The following PIH1D2 variants were observed in gnomAD, a reference collection of about 807,000 sequenced individuals.
PIH1D2 encodes the protein PIH1 domain-containing protein 2.
A neutral mutation model predicts 31.2 loss-of-function variants in PIH1D2; 25 were observed. The observed-to-expected ratio is 0.80, with a 90% CI of 0.58 to 1.12. The LOEUF is 1.12. Among genes scored for constraint, PIH1D2 ranks in the 50% most tolerant of loss-of-function variants. The pLI is 0.00. For synonymous variants in PIH1D2, 116 were observed against 119.9 expected (o/e 0.97, Z 0.21); for missense variants, 310 against 356.6 (o/e 0.87, Z 1.05).
chr11:112,071,903 G>A (rs1251692599), intron 2 of PIH1D2, 145 bp from the exon 3 acceptor site: 5 of 772,638 alleles, frequency 6.5e-6, no homozygotes, highest in Non-Finnish European at 1.0e-5. Context: ...GACCAGCCTG[G>A]CCAACATGGT....
the PIH1D2 span, among the ~76,000 whole-genome samples, chr11:112,055,660 T>C: frequency 6.6e-6 from 1 of 152,076 alleles, no homozygotes; most frequent in Admixed American, 6.6e-5. Context: ...TGTTTGGGCT[T>C]TCCTGTTCCT....
rs1555185000 is a variant in PIH1D2 at position 112,072,993 on chromosome 11, C to G, written c.177+5G>C. 6.3e-7 allele frequency: 1 copy of G among 1,596,148 alleles called. No individual in the cohort carries two copies. The highest frequency in any genetic ancestry group is 1.1e-5 in the South Asian group (1 of 89,698). ...CTCCCCATCCCTGGCACCAACTCGA[C>G]ATACCAGAATCCTGGTCTGTAGACA... On this transcript the variant is annotated splice_donor_5th_base_variant and intron_variant, in intron 2 of 5. Transcript: ENST00000280350.
chr11:112,071,280 G>C lies in PIH1D2; in HGVS notation c.305C>G (p.Ala102Gly). The C allele has an allele frequency of 6.2e-7, 1 of 1,609,634 alleles. No individual in the cohort carries two copies. Residue 102 changes from alanine to glycine, a missense_variant, in exon 4 of 6, where the codon GCT becomes GGT. Physicochemically the swap from Ala to Gly is moderately conservative, Grantham distance 60 (BLOSUM62 0). Transcript: ENST00000280350. ...GTAGGCAACATCAATGACTGTGTAA[G>C]CATCTGTGTGTGTAATTGAAAGGGT... ...KPEDTTEISD[A>G]YTVIDVAYNP...
chr11:112,053,978 A>G, the PIH1D2 span, among the ~76,000 whole-genome samples: 3 of 152,118 alleles, frequency 2.0e-5, no homozygotes, highest in East Asian at 5.8e-4. Context: ...ACATAACACC[A>G]TCTTCCCAAA....
At chr11:112,063,074 CAAGGAA>C (rs1438314717), downstream of PIH1D2, 2 of 154,662 alleles carry the variant, frequency 1.3e-5, no homozygotes, top group Non-Finnish European at 2.9e-5. Flanking sequence ...TAGAAAACTT[CAAGGAA>C]AATAAGTGAA....
At chr11:112,060,049 A>G (rs1555183028), downstream of PIH1D2, 1 of 1,614,018 alleles carries the variant, frequency 6.2e-7, no homozygotes. Context: ...GGTAAACTAC[A>G]GCCACATGAA....
At chr11:112,064,345 T>G, downstream of PIH1D2, 3 of 782,604 alleles carry the variant, frequency 3.8e-6, no homozygotes, top group Non-Finnish European at 5.7e-6. Flanking sequence ...AGAAATAGTG[T>G]TTTTGGTTCA....
chr11:112,061,925 A>G (rs1187727453), downstream of PIH1D2, among the ~76,000 whole-genome samples: 1 of 152,148 alleles, frequency 6.6e-6, no homozygotes. Flanking sequence ...GCTATATTGT[A>G]TCTTCAAATA....
At chr11:112,062,241 T>C (rs1481908673), downstream of PIH1D2, among the ~76,000 whole-genome samples, 3 of 152,216 alleles carry the variant, frequency 2.0e-5, no homozygotes, top group Non-Finnish European at 4.4e-5. Context: ...ATCTGGTCTG[T>C]TTCTTCAAGC....
downstream of PIH1D2, among the ~76,000 whole-genome samples, chr11:112,060,533 C>T (rs1227589769): frequency 6.6e-6 from 1 of 152,114 alleles, no homozygotes; most frequent in African/African-American, 2.4e-5. Context: ...TGGCTCACTG[C>T]AACCTCCGCC....
chr11:112,060,143 T>C, downstream of PIH1D2: 1 of 1,373,726 alleles, frequency 7.3e-7, no homozygotes, highest in Non-Finnish European at 1.0e-6. Context: ...TTTCACCTTT[T>C]GATTCTGTCA....
At chr11:112,059,838 C>A, downstream of PIH1D2, 1 of 1,383,264 alleles carries the variant, frequency 7.2e-7, no homozygotes, top group Middle Eastern at 2.5e-4. Context: ...AATATTCTTG[C>A]TTAACCTGGC....
chr11:112,060,154 C>T (rs1044567115), downstream of PIH1D2: 74 of 918,032 alleles, frequency 8.1e-5, no homozygotes, highest in African/African-American at 7.3e-4. Flanking sequence ...GATTCTGTCA[C>T]GTAATTTTTT....
At chr11:112,060,922 A>C, downstream of PIH1D2, 1 of 822,830 alleles carries the variant, frequency 1.2e-6, no homozygotes, top group Admixed American at 2.4e-5. Context: ...TATTCCATTC[A>C]GGCCTTTCTT....
At chr11:112,053,463 T>C in the PIH1D2 span, among the ~76,000 whole-genome samples, 2 of 152,148 alleles carry the variant, frequency 1.3e-5, no homozygotes, top group African/African-American at 4.8e-5. Context: ...TTTTTGTGTT[T>C]TGTTTTTGTG....
rs1555185197 is a variant in PIH1D2 at position 112,074,005 on chromosome 11, C to A, written c.-57G>T. 3.3e-5 allele frequency: 6 copies of A among 179,608 alleles called. No homozygotes were observed. The highest frequency in any genetic ancestry group is 1.4e-4 in the African/African-American group (6 of 42,566). 11.1% of individuals were successfully genotyped at this position (179,608 alleles called of 1,614,324 possible). A position where few individuals can be genotyped will look rare whatever the true frequency, so the allele number is the denominator to read the frequency against. ...CTCTTCTCTCAGTTCCTTGACAAACCGCGACGCCTGTTACCAGGGTAACCA... is the reference window on the plus strand; with the variant it reads ...CTCTTCTCTCAGTTCCTTGACAAACAGCGACGCCTGTTACCAGGGTAACCA... On this transcript the variant is annotated 5_prime_UTR_variant, in exon 1 of 6. Transcript: ENST00000280350.
At chr11:112,072,201 G>C (rs782578462) in intron 2 of PIH1D2, among the ~76,000 whole-genome samples, 1 of 152,108 alleles carries the variant, frequency 6.6e-6, no homozygotes, top group Non-Finnish European at 1.5e-5. Context: ...TATTAAAACT[G>C]CGTTTGATTA....
chr11:112,061,943 A>G (rs1262246753), downstream of PIH1D2, among the ~76,000 whole-genome samples: 3 of 152,174 alleles, frequency 2.0e-5, no homozygotes, highest in African/African-American at 7.2e-5. Context: ...ATAAAATTAT[A>G]TATATATAAA....
chr11:112,057,987 T>C, the PIH1D2 span, among the ~76,000 whole-genome samples: 1 of 152,246 alleles, frequency 6.6e-6, no homozygotes, highest in Non-Finnish European at 1.5e-5. Flanking sequence ...AACTTTTGTA[T>C]GTACTAGGAG....
Sources: allele counts gnomAD v4.1 joint callset (sites outside exome capture counted in the v4.1 genomes callset), GRCh38; gene constraint gnomAD v4.1.1; transcripts MANE v1.5; gene names NCBI Gene and HGNC (gene_info 2026-07-23, HGNC 2026-07-21).